PRKG1: variants seen among roughly 807,000 people sequenced by gnomAD.
PRKG1 encodes cGMP-dependent protein kinase 1.
Under a neutral mutation model 88.1 loss-of-function variants are expected in PRKG1, and 35 were observed. The observed-to-expected ratio is 0.40, with a 90% CI of 0.30 to 0.53. The LOEUF is 0.53. Ranked by LOEUF, PRKG1 falls within the 20% of genes least tolerant of loss-of-function variation. The pLI, the probability that PRKG1 is intolerant of heterozygous loss-of-function variation, is 0.59. For missense variants in PRKG1, 540 were observed against 839.8 expected (o/e 0.64, Z 4.41); for synonymous variants, 303 against 292.5 (o/e 1.04, Z -0.37).
At chr10:51,902,561 T>C (rs1369894807) in intron 4 of PRKG1, among the ~76,000 whole-genome samples, 1 of 152,200 alleles carries the variant, frequency 6.6e-6, no homozygotes, top group Non-Finnish European at 1.5e-5. Context: ...TACTTGTTGT[T>C]TTTCTACTCA....
At chr10:51,249,370 A>G (rs988462538) in intron 2 of PRKG1, among the ~76,000 whole-genome samples, 1 of 151,890 alleles carries the variant, frequency 6.6e-6, no homozygotes, top group African/African-American at 2.4e-5. Context: ...CATACAGAAC[A>G]TGTGAGAACA....
At chr10:51,239,754 A>C (rs1346847439) in intron 2 of PRKG1, among the ~76,000 whole-genome samples, 2 of 152,146 alleles carry the variant, frequency 1.3e-5, no homozygotes, top group East Asian at 1.9e-4. Context: ...TGAAAGCTTG[A>C]ACCAGATCGA....
chr10:51,784,184 C>T (rs976615785), intron 3 of PRKG1, among the ~76,000 whole-genome samples: 1 of 151,970 alleles, frequency 6.6e-6, no homozygotes, highest in Non-Finnish European at 1.5e-5. Context: ...CCTCAGCGGC[C>T]CTGCAGAGTC....
intron 10 of PRKG1, among the ~76,000 whole-genome samples, chr10:52,256,559 G>T (rs1255628190): frequency 4.3e-5 from 6 of 139,760 alleles, no homozygotes; most frequent in African/African-American, 1.2e-4. Flanking sequence ...ACGAGTTAAA[G>T]CCCTCAAAAT....
At chr10:51,219,212 A>G (rs1041391272) in intron 2 of PRKG1, among the ~76,000 whole-genome samples, 1 of 152,236 alleles carries the variant, frequency 6.6e-6, no homozygotes, top group Non-Finnish European at 1.5e-5. Flanking sequence ...TACACCGAAC[A>G]TAACTTATGT....
intron 2 of PRKG1, among the ~76,000 whole-genome samples, chr10:51,408,574 G>A (rs1362691276): frequency 1.3e-5 from 2 of 152,176 alleles, no homozygotes; most frequent in Admixed American, 1.3e-4. Context: ...CCTGCCACCA[G>A]GTGGCTGGCT....
At chr10:51,204,849 G>A (rs568652276) in intron 2 of PRKG1, among the ~76,000 whole-genome samples, 2 of 152,226 alleles carry the variant, frequency 1.3e-5, no homozygotes, top group East Asian at 3.9e-4. Context: ...TCATTTTGGG[G>A]CCTGAAGGGA....
intron 1 of PRKG1, among the ~76,000 whole-genome samples, chr10:51,019,394 A>G (rs1298866174): frequency 2.0e-5 from 3 of 152,180 alleles, no homozygotes; most frequent in African/African-American, 4.8e-5. Flanking sequence ...TTCAATGGGG[A>G]AAGGACAATC....
At chr10:51,792,445 C>T (rs1214979413) in intron 3 of PRKG1, among the ~76,000 whole-genome samples, 2 of 152,200 alleles carry the variant, frequency 1.3e-5, no homozygotes, top group African/African-American at 2.4e-5. Flanking sequence ...AGTCAATTCA[C>T]AGCCTCCATT....
intron 8 of PRKG1, among the ~76,000 whole-genome samples, chr10:52,159,744 A>C (rs1282702942): frequency 1.3e-5 from 2 of 151,878 alleles, no homozygotes; most frequent in Non-Finnish European, 2.9e-5. Context: ...CTTAATTCAA[A>C]TAGATAATAG....
At chr10:52,014,431 C>A (rs771780091) in intron 5 of PRKG1, among the ~76,000 whole-genome samples, 1 of 152,132 alleles carries the variant, frequency 6.6e-6, no homozygotes, top group Non-Finnish European at 1.5e-5. Context: ...AAACAGCCTC[C>A]ATGATCCAAT....
chr10:51,048,571 C>A (rs1043676076), intron 1 of PRKG1, among the ~76,000 whole-genome samples: 1 of 152,126 alleles, frequency 6.6e-6, no homozygotes, highest in African/African-American at 2.4e-5. Flanking sequence ...CACCCACTTC[C>A]CAAATGGTAT....
chr10:51,959,173 G>A (rs1843385438), intron 5 of PRKG1, among the ~76,000 whole-genome samples: 1 of 152,152 alleles, frequency 6.6e-6, no homozygotes, highest in Non-Finnish European at 1.5e-5. Context: ...ATGAATGACA[G>A]GCTCTTCTCT....
At chr10:51,307,155 A>T (rs1244799995) in intron 2 of PRKG1, among the ~76,000 whole-genome samples, 2 of 152,134 alleles carry the variant, frequency 1.3e-5, no homozygotes, top group African/African-American at 4.8e-5. Flanking sequence ...TATATTATTA[A>T]TATAATGCAT....
At chr10:51,699,785 C>T (rs1330038955) in intron 3 of PRKG1, among the ~76,000 whole-genome samples, 1 of 152,218 alleles carries the variant, frequency 6.6e-6, no homozygotes, top group Non-Finnish European at 1.5e-5. Flanking sequence ...TCGCATGATT[C>T]CTTTCCCATT....
chr10:51,653,204 C>T (rs894790784), intron 3 of PRKG1, among the ~76,000 whole-genome samples: 1 of 151,504 alleles, frequency 6.6e-6, no homozygotes, highest in African/African-American at 2.4e-5. Flanking sequence ...ATACTGATTT[C>T]ATTTCCTTTG....
intron 1 of PRKG1, among the ~76,000 whole-genome samples, chr10:51,089,737 C>A (rs1262947656): frequency 6.6e-6 from 1 of 152,142 alleles, no homozygotes; most frequent in Non-Finnish European, 1.5e-5. Context: ...TCATTTATGC[C>A]TCACAATACC....
intron 3 of PRKG1, among the ~76,000 whole-genome samples, chr10:51,766,877 A>C (rs1838177604): frequency 6.6e-6 from 1 of 152,106 alleles, no homozygotes; most frequent in Admixed American, 6.6e-5. Flanking sequence ...ACTCTTTTGT[A>C]CTTTCCAAAT....
At chr10:52,273,304 A>T (rs1396821240) in intron 12 of PRKG1, among the ~76,000 whole-genome samples, 1 of 151,834 alleles carries the variant, frequency 6.6e-6, no homozygotes, top group Non-Finnish European at 1.5e-5. Context: ...TCCATGAATG[A>T]TTTATTGATC....
Sources: gnomAD v4.1 joint callset for allele counts (sites outside exome capture counted in the v4.1 genomes callset) on GRCh38, gnomAD v4.1.1 for gene constraint, MANE v1.5 for transcripts, NCBI Gene and HGNC (gene_info 2026-07-23, HGNC 2026-07-21) for gene names.